CTNND2: variants seen among roughly 807,000 people sequenced by gnomAD.
CTNND2 encodes the protein catenin delta-2.
A neutral mutation model predicts 144.4 loss-of-function variants in CTNND2; 22 were observed. The observed-to-expected ratio is 0.15, with a 90% CI of 0.11 to 0.22. CTNND2 has a LOEUF of 0.22. Among genes scored for constraint, CTNND2 ranks in the 10% least tolerant of loss-of-function variants. The pLI is 1.00. For missense variants in CTNND2, 1,353 were observed against 1,618.8 expected (o/e 0.84, Z 2.82); for synonymous variants, 751 against 695.6 (o/e 1.08, Z -1.25).
chr5:11,588,077 C>T (rs1304899482), intron 2 of CTNND2, among the ~76,000 whole-genome samples: 28 of 152,072 alleles, frequency 1.8e-4, no homozygotes, highest in Admixed American at 1.8e-3. Context: ...TTATTTACAC[C>T]TGCACCATTT....
intron 12 of CTNND2, among the ~76,000 whole-genome samples, chr5:11,131,629 A>T (rs962644685): frequency 4.6e-5 from 7 of 152,180 alleles, no homozygotes; most frequent in African/African-American, 1.4e-4. Context: ...CTACTAAAAA[A>T]ATAAAAAAAA....
chr5:11,615,627 T>C (rs898588163), intron 2 of CTNND2, among the ~76,000 whole-genome samples: 1 of 152,084 alleles, frequency 6.6e-6, no homozygotes, highest in Non-Finnish European at 1.5e-5. Context: ...AGTTAACAAA[T>C]AATCAAAAAA....
intron 3 of CTNND2, among the ~76,000 whole-genome samples, chr5:11,551,011 T>C (rs1015756626): frequency 5.3e-5 from 8 of 152,180 alleles, no homozygotes; most frequent in African/African-American, 1.9e-4. Context: ...GTGAAATTTT[T>C]CTGACCTACC....
At position 11,757,496 on chromosome 5, in the gene CTNND2, T is replaced by A. The variant is rs142592659; in HGVS notation, c.38-25224A>T. Among the ~76,000 whole-genome samples the A allele has an allele frequency of 6.6e-3, 1,003 of 152,038 alleles. 27 individuals carry two copies. Among genetic ancestry groups the A allele is most frequent in the Admixed American group, 0.043 (651 of 15,212 alleles). On this transcript the variant is annotated intron_variant, in intron 1 of 21. Coordinates refer to ENST00000304623, the MANE Select transcript of CTNND2 (RefSeq NM_001332.4). ...AATTCCTAGAAATGAATTTGCTGTGTCTAAGAATACAAACATCTTAAGCTG... is the reference window on the plus strand; with the variant it reads ...AATTCCTAGAAATGAATTTGCTGTGACTAAGAATACAAACATCTTAAGCTG...
At chr5:11,337,142 CAGAACTCTAAA>C (rs1753815276) in intron 9 of CTNND2, among the ~76,000 whole-genome samples, 1 of 152,128 alleles carries the variant, frequency 6.6e-6, no homozygotes, top group South Asian at 2.1e-4. Context: ...AACCACTTCC[CAGAACTCTAAA>C]AGATATCAAG....
intron 3 of CTNND2, among the ~76,000 whole-genome samples, chr5:11,525,662 T>G (rs1773177842): frequency 6.6e-6 from 1 of 152,210 alleles, no homozygotes; most frequent in Non-Finnish European, 1.5e-5. Context: ...CCAGGGCCAC[T>G]GTCTGTGTGT....
chr5:11,100,579 G>C (rs942130742), intron 14 of CTNND2, among the ~76,000 whole-genome samples: 2 of 152,204 alleles, frequency 1.3e-5, no homozygotes, highest in Non-Finnish European at 2.9e-5. Flanking sequence ...CAAAGCAGTA[G>C]CAATATTGGC....
chr5:11,462,993 T>G (rs1244000068), intron 3 of CTNND2, among the ~76,000 whole-genome samples: 6 of 152,238 alleles, frequency 3.9e-5, no homozygotes, highest in Non-Finnish European at 7.3e-5. Flanking sequence ...ATCTTAGTCC[T>G]GCATTTAAAA....
rs568927884 is a variant in CTNND2, at chr5:11,903,834, G to C, written c.20C>G (p.Pro7Arg). 2.0e-6 allele frequency: 3 copies of C among 1,482,420 alleles called. No individual in the cohort carries two copies. Among genetic ancestry groups the C allele is most frequent in the Non-Finnish European group, 2.7e-6 (3 of 1,122,840 alleles). The allele number at this position is 1,482,420 out of a possible 1,614,324, so 91.8% of individuals were successfully genotyped here. The part of the protein sequence containing the change: MFARKP[P>R]GAAPLGAMPV... Reference sequence around the variant, plus strand: ...CAACTCACCCAAAGGCGCGGCGCCCGGCGGCTTCCTCGCAAACATGCACCC... The same window carrying C: ...CAACTCACCCAAAGGCGCGGCGCCCCGCGGCTTCCTCGCAAACATGCACCC... The change falls in exon 1 of 22, where the codon CCG becomes CGG. Residue 7 changes from proline (P) to arginine (R), a missense_variant. Around this residue, in one of 4 missense-constraint regions of CTNND2, gnomAD observed 708 missense variants for 706.4 expected, o/e 1.00. Coordinates refer to ENST00000304623, the MANE Select transcript of CTNND2 (RefSeq NM_001332.4). The surrounding 1 kb of genome is among the most constrained non-coding windows in gnomAD (Gnocchi z 5.4).
At chr5:11,769,758 GTAT>G (rs1789812574) in intron 1 of CTNND2, among the ~76,000 whole-genome samples, 1 of 152,082 alleles carries the variant, frequency 6.6e-6, no homozygotes, top group African/African-American at 2.4e-5. Flanking sequence ...AATCATTACA[GTAT>G]AAGTGATTAA....
chr5:11,396,977 T>C, intron 6 of CTNND2, 54 bp downstream of exon 6: 1 of 1,533,080 alleles, frequency 6.5e-7, no homozygotes, highest in Non-Finnish European at 8.9e-7. Context: ...TGCATGCCCA[T>C]TCCCCACCTG....
At chr5:11,643,750 TG>T (rs1419272447) in intron 2 of CTNND2, among the ~76,000 whole-genome samples, 26 of 152,186 alleles carry the variant, frequency 1.7e-4, no homozygotes, top group Admixed American at 1.4e-3. Context: ...ATAATTATAA[TG>T]TTTTTTCTAT....
At chr5:11,266,293 C>T (rs750973203) in intron 9 of CTNND2, among the ~76,000 whole-genome samples, 3 of 152,136 alleles carry the variant, frequency 2.0e-5, no homozygotes, top group Non-Finnish European at 2.9e-5. Context: ...CAAAATCACA[C>T]TGGGCCAATG....
chr5:11,044,385 C>T (rs534944205), intron 16 of CTNND2, among the ~76,000 whole-genome samples: 1 of 152,192 alleles, frequency 6.6e-6, no homozygotes, highest in East Asian at 1.9e-4. Flanking sequence ...TCAAACCAAA[C>T]CAAACCATGC....
intron 1 of CTNND2, among the ~76,000 whole-genome samples, chr5:11,842,071 G>A (rs1429406708): frequency 6.6e-6 from 1 of 151,760 alleles, no homozygotes; most frequent in Non-Finnish European, 1.5e-5. Flanking sequence ...GACTAGACAG[G>A]GCAAGAGATG....
intron 7 of CTNND2, among the ~76,000 whole-genome samples, chr5:11,378,963 T>C (rs1758213236): frequency 6.6e-6 from 1 of 152,214 alleles, no homozygotes; most frequent in African/African-American, 2.4e-5. Flanking sequence ...TTCCTCTCCA[T>C]ATTAGGTCAA....
rs187132891 is a variant in CTNND2 at position 11,024,411 on chromosome 5, A to G, written c.2789-1432T>C. On this transcript the variant is annotated intron_variant, in intron 16 of 21. Coordinates refer to ENST00000304623, the MANE Select transcript of CTNND2 (RefSeq NM_001332.4). Reference sequence around the variant, plus strand: ...TGACAGCACCTAAAATAGTTTATCTATTTATCATTAAATCAGCCTTAACTC... The same window carrying G: ...TGACAGCACCTAAAATAGTTTATCTGTTTATCATTAAATCAGCCTTAACTC... 8.5e-5 allele frequency among the ~76,000 whole-genome samples: 13 copies of G among 152,336 alleles called. No individual in the cohort carries two copies. The East Asian group carries it at 2.3e-3, about 27-fold the overall frequency.
rs542046918 is a variant in CTNND2, at chr5:11,737,782, G to A, written c.38-5510C>T. Among the ~76,000 whole-genome samples the A allele has an allele frequency of 3.9e-5, 6 of 152,170 alleles. No homozygotes were observed. The South Asian group carries it at 1.2e-3, about 32-fold the overall frequency. On this transcript the variant is annotated intron_variant, in intron 1 of 21. Coordinates refer to ENST00000304623, the MANE Select transcript of CTNND2 (RefSeq NM_001332.4). ...ATAACAGGACTTCATGTGCTTATAC[G>A]AAGAGCAAGTGGCATCAGAGGTCTC...
chr5:11,120,397 A>G, intron 12 of CTNND2, among the ~76,000 whole-genome samples: 1 of 151,776 alleles, frequency 6.6e-6, no homozygotes, highest in South Asian at 2.1e-4. Flanking sequence ...GGTGAGGCTC[A>G]GTATACATAC....
Sources: gnomAD v4.1 joint callset for allele counts (sites outside exome capture counted in the v4.1 genomes callset) on GRCh38, gnomAD v4.1.1 for gene constraint, gnomAD v4.1.1 regional missense constraint, Gnocchi (gnomAD v3.1) non-coding constraint, MANE v1.5 for transcripts, NCBI Gene and HGNC (gene_info 2026-07-23, HGNC 2026-07-21) for gene names.